The following CAST variants were observed in gnomAD, a reference collection of about 807,000 sequenced individuals.
CAST encodes MIR583 host.
CAST carries 76 observed loss-of-function variants against 119.6 expected under a neutral mutation model. That is an observed-to-expected ratio of 0.64 (90% CI 0.53 to 0.77). CAST has a LOEUF of 0.77. Ranked by LOEUF, CAST falls within the 30% of genes least tolerant of loss-of-function variation. The pLI is 0.00. For missense variants in CAST, 953 were observed against 946.5 expected (o/e 1.01, Z -0.09); for synonymous variants, 319 against 331.6 (o/e 0.96, Z 0.41).
At chr5:96,616,080 GGTGTTC>G (rs57853978) in intron 1 of CAST, among the ~76,000 whole-genome samples, 16,672 of 152,122 alleles carry the variant, frequency 0.11, 1,278 homozygotes, top group African/African-American at 0.22. Context: ...CTGATTAGAT[GGTGTTC>G]GTGTTCACCC....
At chr5:96,343,153 G>T in the CAST span, among the ~76,000 whole-genome samples, 1 of 151,992 alleles carries the variant, frequency 6.6e-6, no homozygotes, top group Non-Finnish European at 1.5e-5. Flanking sequence ...AAATGATGAT[G>T]AAAATCTTTA....
chr5:96,333,305 C>T, the CAST span, among the ~76,000 whole-genome samples: 4 of 151,724 alleles, frequency 2.6e-5, no homozygotes, highest in East Asian at 1.9e-4. Context: ...GTTTTCTGCA[C>T]GGTCAGATGA....
At chr5:96,675,676 C>T (rs1015373803) in intron 2 of CAST, 75 bp downstream of exon 2, 31 of 1,120,824 alleles carry the variant, frequency 2.8e-5, no homozygotes, top group South Asian at 4.2e-5. Flanking sequence ...TATTAAATAA[C>T]GATGTAGCAA....
the CAST span, among the ~76,000 whole-genome samples, chr5:96,134,164 C>T: frequency 6.6e-6 from 1 of 152,160 alleles, no homozygotes; most frequent in Non-Finnish European, 1.5e-5. Flanking sequence ...TACAGTTTTC[C>T]AGGTTACCCC....
chr5:96,383,342 G>A, the CAST span, among the ~76,000 whole-genome samples: 1 of 152,202 alleles, frequency 6.6e-6, no homozygotes, highest in Non-Finnish European at 1.5e-5. Flanking sequence ...GTGTGCTAAT[G>A]TGCTATACCC....
the CAST span, among the ~76,000 whole-genome samples, chr5:96,084,846 T>A: frequency 6.6e-6 from 1 of 151,980 alleles, no homozygotes; most frequent in Admixed American, 6.6e-5. Context: ...AAGTGGGTGG[T>A]CCTCCAAAGC....
chr5:96,702,905 G>A (rs1256696531), intron 3 of CAST: 4 of 985,458 alleles, frequency 4.1e-6, no homozygotes, highest in Non-Finnish European at 4.8e-6. Flanking sequence ...GGGGTCCGGT[G>A]TCCACGCAGA....
chr5:96,156,378 T>A, the CAST span, among the ~76,000 whole-genome samples: 1 of 152,232 alleles, frequency 6.6e-6, no homozygotes, highest in Non-Finnish European at 1.5e-5. Flanking sequence ...TTTTTCCTAA[T>A]TCAGTCTTCA....
the CAST span, among the ~76,000 whole-genome samples, chr5:96,277,751 GT>G: frequency 9.8e-3 from 1,437 of 146,682 alleles, 16 homozygotes; most frequent in African/African-American, 0.034. Context: ...ATTAAGTAAG[GT>G]TTTTTTTTTT....
chr5:96,016,181 C>T, the CAST span, among the ~76,000 whole-genome samples: 2 of 152,208 alleles, frequency 1.3e-5, no homozygotes, highest in African/African-American at 4.8e-5. Context: ...TTCATATTTG[C>T]TTTGCCAGCC....
chr5:96,765,694 A>G (rs1028498728), intron 26 of CAST, among the ~76,000 whole-genome samples: 2 of 152,196 alleles, frequency 1.3e-5, no homozygotes, highest in African/African-American at 4.8e-5. Context: ...CAGTGGCCTG[A>G]TTTTGTATTA....
At chr5:96,511,474 A>G in the CAST span, among the ~76,000 whole-genome samples, 2 of 152,172 alleles carry the variant, frequency 1.3e-5, no homozygotes, top group East Asian at 1.9e-4. Flanking sequence ...CAAGGTTTGA[A>G]ATATAGTATG....
chr5:96,131,654 A>G, the CAST span, among the ~76,000 whole-genome samples: 1 of 152,158 alleles, frequency 6.6e-6, no homozygotes, highest in African/African-American at 2.4e-5. Context: ...AAAAAGCACC[A>G]AGGTATTTAT....
the CAST span, among the ~76,000 whole-genome samples, chr5:96,443,381 G>A: frequency 2.6e-4 from 39 of 152,188 alleles, no homozygotes; most frequent in East Asian, 7.3e-3. Flanking sequence ...AGCCAGCCAG[G>A]CACTCCAAGA....
intron 1 of CAST, among the ~76,000 whole-genome samples, chr5:96,616,916 G>C (rs760523864): frequency 3.3e-5 from 5 of 151,916 alleles, no homozygotes; most frequent in Non-Finnish European, 5.9e-5. Context: ...TGAGTCCGAA[G>C]CCTCTGGTTC....
intron 16 of CAST, among the ~76,000 whole-genome samples, chr5:96,744,473 A>G (rs1763333699): frequency 6.6e-6 from 1 of 152,140 alleles, no homozygotes; most frequent in Admixed American, 6.5e-5. Flanking sequence ...AGTACAGGAG[A>G]GCTCCGCCCC....
intron 1 of CAST, among the ~76,000 whole-genome samples, chr5:96,624,329 T>C (rs556852172): frequency 6.6e-6 from 1 of 152,338 alleles, no homozygotes. Context: ...TGAACAAGTT[T>C]AGAAGAGTCT....
At chr5:96,700,141 G>A (rs934322766) in intron 3 of CAST, among the ~76,000 whole-genome samples, 26 of 152,184 alleles carry the variant, frequency 1.7e-4, no homozygotes, top group African/African-American at 6.3e-4. Context: ...CTGACATTCA[G>A]TGCCAGCATC....
rs756884785 is a variant in CAST at position 96,695,927 on chromosome 5, C to G, written c.210+20C>G. 2.6e-6 allele frequency: 4 copies of G among 1,565,692 alleles called. No individual in the cohort carries two copies. The highest frequency in any genetic ancestry group is 1.3e-5 in the African/African-American group (1 of 74,100). Reference sequence around the variant, plus strand: ...ACCAAGGTCAGTGATTTCCTGAACACGAAAAGACCCCTACTGTATTCTACA... The same window carrying G: ...ACCAAGGTCAGTGATTTCCTGAACAGGAAAAGACCCCTACTGTATTCTACA... On this transcript the variant is annotated intron_variant, in intron 3 of 31. Transcript: ENST00000675179.
Sources: gnomAD v4.1 joint callset for allele counts (sites outside exome capture counted in the v4.1 genomes callset) on GRCh38, gnomAD v4.1.1 for gene constraint, MANE v1.5 for transcripts, NCBI Gene and HGNC (gene_info 2026-07-23, HGNC 2026-07-21) for gene names.